The following CLHC1 variants were observed in gnomAD, a reference collection of about 807,000 sequenced individuals.
The protein encoded by CLHC1 is clathrin heavy chain linker domain containing 1.
In CLHC1, 72 loss-of-function variants were observed where a neutral mutation model predicts 69.5. That is an observed-to-expected ratio of 1.04 (90% CI 0.86 to 1.26). The LOEUF (loss-of-function observed/expected upper bound fraction) is 1.26. CLHC1 is among the 50% of genes most tolerant of loss of function. The probability of loss-of-function intolerance (pLI) is 0.00; values close to 1 mark genes in which losing one functional copy is unlikely to be tolerated. For synonymous variants in CLHC1, 223 were observed against 224.3 expected (o/e 0.99, Z 0.05); for missense variants, 790 against 679.3 (o/e 1.16, Z -1.81).
intron 4 of CLHC1, 31 bp downstream of exon 4, chr2:55,217,780 C>A (rs766485495): frequency 7.2e-7 from 1 of 1,396,290 alleles, no homozygotes; most frequent in Non-Finnish European, 9.6e-7. Context: ...CAACAACTAC[C>A]ATCTTTTGGG....
At chr2:55,200,068 T>A (rs190732424) in intron 9 of CLHC1, among the ~76,000 whole-genome samples, 7 of 151,678 alleles carry the variant, frequency 4.6e-5, no homozygotes, top group African/African-American at 7.3e-5. Context: ...CACAAAAATT[T>A]AAAAAATTAG....
intron 9 of CLHC1, among the ~76,000 whole-genome samples, chr2:55,190,937 C>A (rs1302097009): frequency 1.3e-5 from 2 of 151,010 alleles, no homozygotes; most frequent in African/African-American, 4.9e-5. Flanking sequence ...AATCAAAGTG[C>A]CAAAAAAAAA....
At chr2:55,191,830 A>T (rs757848819) in intron 9 of CLHC1, among the ~76,000 whole-genome samples, 2 of 152,044 alleles carry the variant, frequency 1.3e-5, no homozygotes, top group Non-Finnish European at 2.9e-5. Context: ...AGAAATGGAA[A>T]CAAAATAAAA....
intron 11 of CLHC1, among the ~76,000 whole-genome samples, chr2:55,178,460 T>C (rs1669613851): frequency 6.6e-6 from 1 of 152,224 alleles, no homozygotes; most frequent in Non-Finnish European, 1.5e-5. Flanking sequence ...TGAGGTAATC[T>C]AAAGCTACAA....
At chr2:55,213,008 A>G (rs1342208714) in intron 4 of CLHC1, among the ~76,000 whole-genome samples, 1 of 152,160 alleles carries the variant, frequency 6.6e-6, no homozygotes, top group Admixed American at 6.5e-5. Context: ...ATGATTCTGA[A>G]CCCTATTGGA....
chr2:55,191,265 G>A (rs768365017), intron 9 of CLHC1, among the ~76,000 whole-genome samples: 3 of 152,052 alleles, frequency 2.0e-5, no homozygotes, highest in Admixed American at 6.6e-5. Context: ...TTTTGCAGAC[G>A]GAGTCTCTCT....
chr2:55,229,519 A>G (rs1675057184), intron 1 of CLHC1, among the ~76,000 whole-genome samples: 2 of 152,166 alleles, frequency 1.3e-5, no homozygotes, highest in African/African-American at 4.8e-5. Flanking sequence ...TCAGAGAGGT[A>G]ACTGCCAGAT....
At chr2:55,195,524 G>A (rs1449365156) in intron 9 of CLHC1, among the ~76,000 whole-genome samples, 2 of 152,136 alleles carry the variant, frequency 1.3e-5, no homozygotes, top group East Asian at 1.9e-4. Flanking sequence ...CTACATGGCC[G>A]GGCATGGCGG....
intron 10 of CLHC1, 53 bp from the exon 11 acceptor site, chr2:55,180,765 T>C: frequency 1.4e-6 from 2 of 1,432,568 alleles, no homozygotes; most frequent in Non-Finnish European, 2.0e-6. Flanking sequence ...GATGAGTGGC[T>C]GAGACTGAAA....
intron 9 of CLHC1, among the ~76,000 whole-genome samples, chr2:55,204,416 C>A (rs1459859199): frequency 6.6e-6 from 1 of 152,216 alleles, no homozygotes; most frequent in Non-Finnish European, 1.5e-5. Flanking sequence ...AATGAGATAT[C>A]ATCTCAGCCC....
intron 9 of CLHC1, among the ~76,000 whole-genome samples, chr2:55,199,527 A>G (rs1054981091): frequency 7.9e-5 from 12 of 152,154 alleles, no homozygotes; most frequent in African/African-American, 2.9e-4. Flanking sequence ...AAACTTTTCA[A>G]GACATTGACA....
At chr2:55,185,328 G>T (rs931302874) in intron 9 of CLHC1, among the ~76,000 whole-genome samples, 1 of 152,036 alleles carries the variant, frequency 6.6e-6, no homozygotes, top group African/African-American at 2.4e-5. Flanking sequence ...TGGCTGAAAG[G>T]CTATTTAAAA....
chr2:55,184,579 A>G (rs553927852), intron 9 of CLHC1, among the ~76,000 whole-genome samples: 18 of 152,252 alleles, frequency 1.2e-4, no homozygotes, highest in Non-Finnish European at 2.5e-4. Context: ...TTAAATATAT[A>G]TACATTTACA....
chr2:55,192,613 A>G (rs1421793610), intron 9 of CLHC1, among the ~76,000 whole-genome samples: 1 of 152,204 alleles, frequency 6.6e-6, no homozygotes, highest in Non-Finnish European at 1.5e-5. Context: ...ATAGTATACT[A>G]CTGGCGTGGG....
At chr2:55,191,136 G>A (rs112377360) in intron 9 of CLHC1, among the ~76,000 whole-genome samples, 26 of 152,284 alleles carry the variant, frequency 1.7e-4, no homozygotes, top group African/African-American at 4.1e-4. Flanking sequence ...TTTCAAAAGC[G>A]AAGGTAAAAT....
intron 1 of CLHC1, among the ~76,000 whole-genome samples, chr2:55,228,595 C>T (rs921583789): frequency 1.3e-5 from 2 of 152,166 alleles, no homozygotes; most frequent in Non-Finnish European, 2.9e-5. Flanking sequence ...GGCAGTGTGA[C>T]AGAGGTAAGC....
At chr2:55,222,843 C>T (rs111630958) in intron 2 of CLHC1, among the ~76,000 whole-genome samples, 13 of 151,288 alleles carry the variant, frequency 8.6e-5, no homozygotes, top group African/African-American at 3.2e-4. Context: ...ATCGCTTGAA[C>T]CCCGGAGGCG....
chr2:55,177,616 T>A lies in CLHC1; in HGVS notation c.1550A>T (p.Asn517Ile), dbSNP rs141158674. The change falls in exon 12 of 13, where the codon AAT becomes ATT. Residue 517 changes from asparagine (N) to isoleucine (I), a missense_variant. By Grantham distance (149) the Asn-to-Ile change is moderately radical. Transcript: ENST00000401408. Reference sequence around the variant, plus strand: ...ATTCTACTTACCTATCCCACCTTTATTGATTTCTTGAAGTAGCTTAATGCC... The same window carrying A: ...ATTCTACTTACCTATCCCACCTTTAATGATTTCTTGAAGTAGCTTAATGCC... ...KVGIKLLQEINKGGIDAVESL... is the reference protein window; with the variant it reads ...KVGIKLLQEIIKGGIDAVESL... 3 of 1,603,804 alleles carry A rather than the reference T, an allele frequency of 1.9e-6. No individual in the cohort carries two copies. The highest frequency in any genetic ancestry group is 1.1e-5 in the South Asian group (1 of 89,816).
intron 9 of CLHC1, among the ~76,000 whole-genome samples, chr2:55,192,659 C>T (rs1671040411): frequency 6.6e-6 from 1 of 151,984 alleles, no homozygotes; most frequent in Non-Finnish European, 1.5e-5. Flanking sequence ...AACTGAAAGT[C>T]AAGAAATAAA....
Sources: gnomAD v4.1 joint callset for allele counts (sites outside exome capture counted in the v4.1 genomes callset) on GRCh38, gnomAD v4.1.1 for gene constraint, MANE v1.5 for transcripts, NCBI Gene and HGNC (gene_info 2026-07-23, HGNC 2026-07-21) for gene names.